Variants in SP110 observed in about 807,000 individuals in gnomAD.
SP110 encodes the protein SP110 nuclear body protein.
SP110 carries 62 observed loss-of-function variants against 92.7 expected under a neutral mutation model. The ratio of observed to expected loss-of-function variants is 0.67; its 90% CI spans 0.55 to 0.83. The LOEUF (loss-of-function observed/expected upper bound fraction) is 0.83, where lower values mean the gene tolerates loss of function less well. Ranked by LOEUF, SP110 falls within the 40% of genes least tolerant of loss-of-function variation. The pLI is 0.00. For synonymous variants in SP110, 273 were observed against 305.3 expected (o/e 0.89, Z 1.10); for missense variants, 793 against 863.9 (o/e 0.92, Z 1.03).
upstream of SP110, among the ~76,000 whole-genome samples, chr2:230,220,886 C>T (rs1013477201): frequency 6.6e-6 from 1 of 152,032 alleles, no homozygotes; most frequent in Non-Finnish European, 1.5e-5. Context: ...TGGCATGCAC[C>T]TTGTAGTCCT....
At chr2:230,197,854 C>T (rs2042951774) in intron 10 of SP110, among the ~76,000 whole-genome samples, 1 of 152,136 alleles carries the variant, frequency 6.6e-6, no homozygotes, top group Non-Finnish European at 1.5e-5. Flanking sequence ...GGTCTTACTA[C>T]ATTGTCAAGC....
Position 230,167,311 on chromosome 2 carries a change from C to T in SP110, c.*1813G>A, listed in dbSNP as rs2078325901. 1 of 146,578 alleles carries T rather than the reference C, an allele frequency of 6.8e-6. No homozygotes were observed. Among genetic ancestry groups the T allele is most frequent in the Admixed American group, 6.9e-5 (1 of 14,484 alleles). 9.1% of individuals were successfully genotyped at this position (146,578 alleles called of 1,614,324 possible). ...TTTTTTTGTAGAGATGAGGTTTTGC[C>T]ATGTTACCCAGGCTGGTCTTCAACT... On this transcript the variant is annotated 3_prime_UTR_variant, in exon 19 of 19. Coordinates refer to ENST00000258381, the MANE Select transcript of SP110 (RefSeq NM_080424.4).
chr2:230,210,189 G>A (rs41548221), intron 6 of SP110, among the ~76,000 whole-genome samples, 181 bp from the exon 7 acceptor site: 15 of 152,306 alleles, frequency 9.8e-5, no homozygotes, highest in African/African-American at 3.6e-4. Flanking sequence ...ATTGTTACCT[G>A]TGCGACCATC....
intron 12 of SP110, 50 bp from the exon 13 acceptor site, chr2:230,178,305 T>G (rs2041959392): frequency 9.5e-7 from 1 of 1,053,688 alleles, no homozygotes. Context: ...CACTCCATCT[T>G]CCTTTTGAAT....
In SP110 at chr2:230,186,137, G is replaced by A. The variant is rs1226744571; in HGVS notation, c.1136C>T (p.Ala379Val). The change falls in exon 11 of 19, where the codon GCC (alanine) becomes GTC (valine). Residue 379 changes from alanine to valine, a missense_variant. By Grantham distance (64) the Ala-to-Val change is moderately conservative (BLOSUM62 0). Coordinates refer to ENST00000258381, the MANE Select transcript of SP110 (RefSeq NM_080424.4). ...CTCTTGGATGCCATGCCCAGGTGAG[G>A]CTGCCCCTGGACCAAATAGACTTGT... Reference protein sequence around the residue: ...STPRRVTQGAASPGHGIQEKL... With the variant: ...STPRRVTQGAVSPGHGIQEKL... The A allele has an allele frequency of 6.2e-7, 1 of 1,613,870 alleles. No individual in the cohort carries two copies. Among genetic ancestry groups the A allele is most frequent in the Non-Finnish European group, 8.5e-7 (1 of 1,179,958 alleles).
At chr2:230,223,653 G>T (rs2045997520), upstream of SP110, among the ~76,000 whole-genome samples, 1 of 152,174 alleles carries the variant, frequency 6.6e-6, no homozygotes, top group Non-Finnish European at 1.5e-5. Context: ...GACATAATTG[G>T]ACATAAAAAC....
At position 230,211,446 on chromosome 2, in the gene SP110, T is replaced by G; in HGVS notation, c.751+24A>C. The G allele has an allele frequency of 6.9e-7, 1 of 1,452,748 alleles. No homozygotes were observed. The highest frequency in any genetic ancestry group is 1.4e-5 in the African/African-American group (1 of 71,776). The allele number at this position is 1,452,748 out of a possible 1,614,324, so 90.0% of individuals were successfully genotyped here. A position where few individuals can be genotyped will look rare whatever the true frequency, so the allele number is the denominator to read the frequency against. ...TAAACACAGAAACAAAGGCAAGCTT[T>G]TAGGTTGACCAAACCAAGATTACCT... On this transcript the variant is annotated intron_variant, in intron 6 of 18. Transcript: ENST00000258381. This position sits in a 1 kb window ranked among gnomAD's most constrained non-coding sequence, Gnocchi z 4.2.
At chr2:230,195,589 C>T (rs2042835417) in intron 10 of SP110, among the ~76,000 whole-genome samples, 1 of 152,082 alleles carries the variant, frequency 6.6e-6, no homozygotes, top group Non-Finnish European at 1.5e-5. Context: ...CTCAGCCTCC[C>T]AAGGTGCTGG....
rs1206543609 is a variant in SP110 at position 230,211,010 on chromosome 2, T to G, written c.751+460A>C. ...CCACACAGTGTTTTTGTTCATTTGC[T>G]TTGCATTTTGACAGAGCCGTTTTGA... On this transcript the variant is annotated intron_variant, in intron 6 of 18. Coordinates refer to ENST00000258381, the MANE Select transcript of SP110 (RefSeq NM_080424.4). This position sits in a 1 kb window ranked among gnomAD's most constrained non-coding sequence, Gnocchi z 4.2. Among the ~76,000 whole-genome samples the G allele has an allele frequency of 6.6e-6, 1 of 152,236 alleles. No homozygotes were observed. The highest frequency in any genetic ancestry group is 1.5e-5 in the Non-Finnish European group (1 of 68,040).
Position 230,172,120 on chromosome 2 carries a change from C to CT in SP110, c.1760dup (p.Cys588ValfsTer6). The CT allele has an allele frequency of 6.2e-7, 1 of 1,613,894 alleles. No homozygotes were observed. The highest frequency in any genetic ancestry group is 1.3e-5 in the African/African-American group (1 of 75,056). ...CCAGGGTCTTAGATACATGATGGCA[C>CT]TGTTGGCTTCCTGAAGACCTCTTCA... On this transcript the variant is annotated frameshift_variant, in exon 16 of 19. Transcript: ENST00000258381. LOFTEE classifies it high-confidence loss of function.
chr2:230,210,003 T>C lies in SP110; in HGVS notation c.757A>G (p.Arg253Gly). Residue 253 changes from arginine to glycine, a missense_variant, in exon 7 of 19, where the codon AGA (arginine) becomes GGA (glycine). Physicochemically the swap from Arg to Gly is moderately radical, Grantham distance 125. Coordinates refer to ENST00000258381, the MANE Select transcript of SP110 (RefSeq NM_080424.4). ...TCATTTGGTTCTGGAGAATTATCTC[T>C]TATCTCTGACAAAAGAAATATAAGT... ...HSPLGSMPEI[R>G]DNSPEPNDPE... 1.3e-6 allele frequency: 2 copies of C among 1,589,884 alleles called. No individual in the cohort carries two copies. The highest frequency in any genetic ancestry group is 1.7e-6 in the Non-Finnish European group (2 of 1,157,956).
At chr2:230,206,635 A>T (rs1479397483) in intron 8 of SP110, among the ~76,000 whole-genome samples, 1 of 116,618 alleles carries the variant, frequency 8.6e-6, no homozygotes, top group East Asian at 2.6e-4. Flanking sequence ...ATATATATAT[A>T]TATGGACCAC....
rs983279879 is a variant in SP110, at chr2:230,165,745, T to C, written c.*3379A>G. Reference sequence around the variant, plus strand: ...CATTAAAAAAATAAGTCAAAATGCATTGGGAAAACTTATGGGTAAATATTG... The same window carrying C: ...CATTAAAAAAATAAGTCAAAATGCACTGGGAAAACTTATGGGTAAATATTG... On this transcript the variant is annotated 3_prime_UTR_variant, in exon 19 of 19. Coordinates refer to ENST00000258381, the MANE Select transcript of SP110 (RefSeq NM_080424.4). Among the ~76,000 whole-genome samples, 11 of 151,808 alleles carry C rather than the reference T, an allele frequency of 7.2e-5. No homozygotes were observed. Among genetic ancestry groups the C allele is most frequent in the Admixed American group, 6.6e-4 (10 of 15,248 alleles).
At chr2:230,208,186 G>T (rs769041168) in intron 7 of SP110, 127 bp from the exon 8 acceptor site, 1 of 655,260 alleles carries the variant, frequency 1.5e-6, no homozygotes, top group Non-Finnish European at 2.7e-6. Flanking sequence ...GACCTTAGGT[G>T]ATGGTACTTC....
At chr2:230,206,876 T>C (rs1306102480) in intron 8 of SP110, among the ~76,000 whole-genome samples, 2 of 152,002 alleles carry the variant, frequency 1.3e-5, no homozygotes, top group Non-Finnish European at 2.9e-5. Flanking sequence ...GAATAGAACC[T>C]CTCTTATCTC....
chr2:230,202,418 G>C (rs2043273022), intron 9 of SP110, among the ~76,000 whole-genome samples, 161 bp downstream of exon 9: 1 of 152,184 alleles, frequency 6.6e-6, no homozygotes, highest in South Asian at 2.1e-4. Context: ...AGATGCAACA[G>C]ATGCTTGCTC....
In SP110 at chr2:230,206,269, A is replaced by C. The variant is rs541222152; in HGVS notation, c.898+1722T>G. Reference sequence around the variant, plus strand: ...TCCCACACAACTGGCTCCTGCCTCCATCACCAAAATTTTTCTTAAATTTTC... The same window carrying C: ...TCCCACACAACTGGCTCCTGCCTCCCTCACCAAAATTTTTCTTAAATTTTC... On this transcript the variant is annotated intron_variant, in intron 8 of 18. Coordinates refer to ENST00000258381, the MANE Select transcript of SP110 (RefSeq NM_080424.4). 1.8e-4 allele frequency among the ~76,000 whole-genome samples: 27 copies of C among 152,132 alleles called. No individual in the cohort carries two copies. The South Asian group carries it at 5.6e-3, about 32-fold the overall frequency.
Position 230,166,454 on chromosome 2 carries a change from C to A in SP110, c.*2670G>T, listed in dbSNP as rs918140945. Among the ~76,000 whole-genome samples, 3 of 152,180 alleles carry A rather than the reference C, an allele frequency of 2.0e-5. No homozygotes were observed. The highest frequency in any genetic ancestry group is 4.4e-5 in the Non-Finnish European group (3 of 68,040). On this transcript the variant is annotated 3_prime_UTR_variant, in exon 19 of 19. Coordinates refer to ENST00000258381, the MANE Select transcript of SP110 (RefSeq NM_080424.4). Reference sequence around the variant, plus strand: ...TTACCGAGGTAGGATAACCGTAAATCTGACTATGACAGTGTGTAAAAACTA... The same window carrying A: ...TTACCGAGGTAGGATAACCGTAAATATGACTATGACAGTGTGTAAAAACTA...
chr2:230,175,237 G>A (rs56897766), intron 14 of SP110, among the ~76,000 whole-genome samples: 1,567 of 152,134 alleles, frequency 0.01, 31 homozygotes, highest in African/African-American at 0.035. Context: ...TTCCCCACAC[G>A]TCACAACTAG....
Sources: allele counts gnomAD v4.1 joint callset (sites outside exome capture counted in the v4.1 genomes callset), GRCh38; gene constraint gnomAD v4.1.1; non-coding constraint Gnocchi (gnomAD v3.1); transcripts MANE v1.5; gene names NCBI Gene and HGNC (gene_info 2026-07-23, HGNC 2026-07-21).